SGCZ: variants seen among roughly 807,000 people sequenced by gnomAD.
SGCZ encodes the protein zeta-sarcoglycan.
Under a neutral mutation model 41.3 loss-of-function variants are expected in SGCZ, and 40 were observed. That is an observed-to-expected ratio of 0.97 (90% CI 0.75 to 1.26). The LOEUF is 1.26. Ranked by LOEUF, SGCZ falls within the 50% of genes most tolerant of loss-of-function variation. The pLI, the probability that SGCZ is intolerant of heterozygous loss-of-function variation, is 0.00. For missense variants in SGCZ, 552 were observed against 369.8 expected (o/e 1.49, Z -4.04); for synonymous variants, 206 against 137.5 (o/e 1.50, Z -3.49).
At chr8:14,246,372 C>G (rs1799090365) in intron 3 of SGCZ, among the ~76,000 whole-genome samples, 1 of 151,712 alleles carries the variant, frequency 6.6e-6, no homozygotes, top group Non-Finnish European at 1.5e-5. Flanking sequence ...TGCATGTTCT[C>G]ACTCATAGGT....
intron 4 of SGCZ, among the ~76,000 whole-genome samples, chr8:14,189,920 G>A (rs181996750): frequency 6.6e-6 from 1 of 150,800 alleles, no homozygotes; most frequent in Non-Finnish European, 1.5e-5. Flanking sequence ...TAGAAAATTT[G>A]TTTATTTAAT....
chr8:15,210,188 G>A (rs1481129673), intron 1 of SGCZ, among the ~76,000 whole-genome samples: 2 of 152,068 alleles, frequency 1.3e-5, no homozygotes, highest in Non-Finnish European at 2.9e-5. Context: ...TACCATCATC[G>A]AGCTGCAGAA....
At chr8:14,373,667 T>G (rs1803995765) in intron 2 of SGCZ, among the ~76,000 whole-genome samples, 1 of 152,200 alleles carries the variant, frequency 6.6e-6, no homozygotes, top group South Asian at 2.1e-4. Context: ...TTGCAGTCAC[T>G]AAATGATTTG....
chr8:14,341,770 T>C (rs1802717039), intron 2 of SGCZ, among the ~76,000 whole-genome samples: 1 of 152,140 alleles, frequency 6.6e-6, no homozygotes, highest in South Asian at 2.1e-4. Context: ...TCGGGGGTTT[T>C]CACTTTTGCA....
At chr8:14,260,812 G>A (rs10111297) in intron 3 of SGCZ, among the ~76,000 whole-genome samples, 1 of 151,922 alleles carries the variant, frequency 6.6e-6, no homozygotes, top group Non-Finnish European at 1.5e-5. Context: ...ATGGATGAAA[G>A]TGGAAATCAT....
At chr8:15,011,591 A>T (rs2130926945) in intron 1 of SGCZ, among the ~76,000 whole-genome samples, 1 of 152,300 alleles carries the variant, frequency 6.6e-6, no homozygotes. Flanking sequence ...CTGAAATTCC[A>T]TACTAAATTA....
chr8:15,024,773 A>G lies in SGCZ; in HGVS notation c.39+212812T>C, dbSNP rs187057637. Among the ~76,000 whole-genome samples the G allele has an allele frequency of 3.9e-5, 6 of 152,004 alleles. No homozygotes were observed. In the East Asian group the frequency reaches 1.2e-3, roughly 29 times the overall value. Reference sequence around the variant, plus strand: ...AACATGGTGAAACCCCATCTCTACTAAAAATACAAAAAATTAGCCGGGCAT... The same window carrying G: ...AACATGGTGAAACCCCATCTCTACTGAAAATACAAAAAATTAGCCGGGCAT... On this transcript the variant is annotated intron_variant, in intron 1 of 7. Transcript: ENST00000382080.
chr8:14,792,474 T>C (rs562170191), intron 1 of SGCZ, among the ~76,000 whole-genome samples: 21 of 152,194 alleles, frequency 1.4e-4, no homozygotes, highest in Non-Finnish European at 2.8e-4. Context: ...ACTATGCTAG[T>C]CAAGGGTCAC....
intron 1 of SGCZ, among the ~76,000 whole-genome samples, chr8:15,111,362 G>T (rs1354390982): frequency 6.6e-6 from 1 of 152,114 alleles, no homozygotes; most frequent in African/African-American, 2.4e-5. Flanking sequence ...GCCTCGGATT[G>T]GCGATGGGCC....
chr8:14,844,263 C>A lies in SGCZ; in HGVS notation c.40-289337G>T, dbSNP rs533915597. 1.2e-4 allele frequency among the ~76,000 whole-genome samples: 19 copies of A among 152,170 alleles called. No homozygotes were observed. The South Asian group carries it at 3.7e-3, about 30-fold the overall frequency. ...CTAGAAAAACAACCCTACAACGATT[C>A]ACTGTTATATATCTTCTCACATACT... is the stretch of plus-strand genomic sequence containing the variant. On this transcript the variant is annotated intron_variant, in intron 1 of 7. Transcript: ENST00000382080.
intron 1 of SGCZ, among the ~76,000 whole-genome samples, chr8:14,911,915 A>G (rs1194767114): frequency 6.6e-6 from 1 of 151,980 alleles, no homozygotes; most frequent in Non-Finnish European, 1.5e-5. Context: ...CTATACTGCA[A>G]TGATAAATGG....
At chr8:15,143,320 A>C (rs1706695466) in intron 1 of SGCZ, among the ~76,000 whole-genome samples, 1 of 152,234 alleles carries the variant, frequency 6.6e-6, no homozygotes, top group African/African-American at 2.4e-5. Context: ...AGCACGTAGT[A>C]GGCATTGAAA....
At chr8:14,314,166 T>G (rs1801640540) in intron 3 of SGCZ, among the ~76,000 whole-genome samples, 1 of 152,106 alleles carries the variant, frequency 6.6e-6, no homozygotes, top group Non-Finnish European at 1.5e-5. Context: ...CATGCTTTTT[T>G]GTTTGTTTAT....
chr8:14,314,152 C>A (rs1667341095), intron 3 of SGCZ, among the ~76,000 whole-genome samples: 1 of 152,114 alleles, frequency 6.6e-6, no homozygotes, highest in South Asian at 2.1e-4. Flanking sequence ...TAAAGCTGCC[C>A]TAACATGCTT....
rs574617561 is a variant in SGCZ, at chr8:14,156,157, G to A, written c.547+8423C>T. Among the ~76,000 whole-genome samples the A allele has an allele frequency of 2.8e-4, 42 of 152,124 alleles. No individual in the cohort carries two copies. In the South Asian group the frequency reaches 3.5e-3, roughly 13 times the overall value. On this transcript the variant is annotated intron_variant, in intron 5 of 7. Transcript: ENST00000382080. Reference sequence around the variant, plus strand: ...CTTTATAAACACTGTGCATAGAGGCGACGCTGAATTTATTTAAAAATATTT... The same window carrying A: ...CTTTATAAACACTGTGCATAGAGGCAACGCTGAATTTATTTAAAAATATTT...
chr8:15,222,852 G>A (rs1251411084), intron 1 of SGCZ, among the ~76,000 whole-genome samples: 2 of 151,824 alleles, frequency 1.3e-5, no homozygotes, highest in Admixed American at 6.6e-5. Context: ...GCACAGAGAA[G>A]CAATAGTACT....
chr8:14,288,553 C>A (rs1049968468), intron 3 of SGCZ, among the ~76,000 whole-genome samples: 1 of 152,108 alleles, frequency 6.6e-6, no homozygotes, highest in Non-Finnish European at 1.5e-5. Context: ...TTTGGTCAGA[C>A]TTTCACTTAG....
At chr8:14,139,459 G>T (rs149168958) in intron 5 of SGCZ, among the ~76,000 whole-genome samples, 1 of 152,108 alleles carries the variant, frequency 6.6e-6, no homozygotes, top group South Asian at 2.1e-4. Flanking sequence ...GACTAATAAA[G>T]AAGAAAAGAA....
At chr8:14,937,609 A>T (rs1165600186) in intron 1 of SGCZ, among the ~76,000 whole-genome samples, 1 of 152,158 alleles carries the variant, frequency 6.6e-6, no homozygotes, top group East Asian at 1.9e-4. Flanking sequence ...ACGTACGCAT[A>T]TAGAGGAACC....
Sources: gnomAD v4.1 joint callset for allele counts (sites outside exome capture counted in the v4.1 genomes callset) on GRCh38, gnomAD v4.1.1 for gene constraint, MANE v1.5 for transcripts, NCBI Gene and HGNC (gene_info 2026-07-23, HGNC 2026-07-21) for gene names.